The following WDPCP variants were observed in gnomAD, a reference collection of about 807,000 sequenced individuals.
WDPCP encodes WD repeat containing planar cell polarity effector, also known as WD repeat-containing and planar cell polarity effector protein fritz homolog.
A neutral mutation model predicts 93.1 loss-of-function variants in WDPCP; 71 were observed. That is an observed-to-expected ratio of 0.76 (90% CI 0.63 to 0.93). The LOEUF (loss-of-function observed/expected upper bound fraction) is 0.93, where lower values mean the gene tolerates loss of function less well. Among genes scored for constraint, WDPCP ranks in the 40% least tolerant of loss-of-function variants. The pLI is 0.00. For missense variants in WDPCP, 844 were observed against 887.4 expected (o/e 0.95, Z 0.62); for synonymous variants, 315 against 315.0 (o/e 1.00, Z 0.00).
chr2:63,306,223 A>G (rs925335346), intron 13 of WDPCP, among the ~76,000 whole-genome samples: 1 of 152,154 alleles, frequency 6.6e-6, no homozygotes, highest in Non-Finnish European at 1.5e-5. Context: ...ACCAATAACA[A>G]GTTCTGAAAT....
intron 3 of WDPCP, among the ~76,000 whole-genome samples, chr2:63,613,503 T>C (rs2106633714): frequency 6.6e-6 from 1 of 152,334 alleles, no homozygotes; most frequent in Non-Finnish European, 1.5e-5. Context: ...TTCCCAGCCA[T>C]TGCCTGCTCT....
chr2:63,771,979 G>T (rs1157699556), intron 2 of WDPCP, among the ~76,000 whole-genome samples: 1 of 151,746 alleles, frequency 6.6e-6, no homozygotes, highest in East Asian at 1.9e-4. Flanking sequence ...CCATATCTTT[G>T]CTATTGTGAA....
chr2:63,292,226 A>G (rs17409784), intron 13 of WDPCP, among the ~76,000 whole-genome samples: 1,807 of 152,040 alleles, frequency 0.012, 10 homozygotes, highest in Non-Finnish European at 0.019. Context: ...TGGCTCTTTT[A>G]GTCTCCATAA....
chr2:63,237,271 A>C (rs927190826), intron 14 of WDPCP, among the ~76,000 whole-genome samples: 4 of 152,214 alleles, frequency 2.6e-5, no homozygotes, highest in African/African-American at 9.6e-5. Context: ...AATCAAAACC[A>C]CAATGAGATA....
intron 14 of WDPCP, among the ~76,000 whole-genome samples, chr2:63,213,589 C>T (rs1677036216): frequency 6.6e-6 from 1 of 152,056 alleles, no homozygotes; most frequent in South Asian, 2.1e-4. Context: ...CAAACACATT[C>T]AAAAGCGAGC....
chr2:63,486,543 C>T lies in WDPCP; in HGVS notation c.252G>A (p.Glu84=), dbSNP rs201399904. Residue 84 remains glutamate, a splice_region_variant and synonymous_variant, in exon 4 of 18, where the codon GAG becomes GAA. Transcript: ENST00000272321. ...GNLEKKQKLA[E]SRDYPWTLKN... Reference sequence around the variant, plus strand: ...CCAAAAAATATAAAGTAAGCTTACACTCTGCCAGCTTCTGCTTCTTTTCTA... The same window carrying T: ...CCAAAAAATATAAAGTAAGCTTACATTCTGCCAGCTTCTGCTTCTTTTCTA... The T allele has an allele frequency of 1.0e-5, 16 of 1,571,860 alleles. No individual in the cohort carries two copies. The East Asian group carries it at 3.5e-4, about 35-fold the overall frequency.
chr2:63,641,479 C>G (rs113541528), intron 3 of WDPCP, among the ~76,000 whole-genome samples: 5 of 152,244 alleles, frequency 3.3e-5, no homozygotes, highest in African/African-American at 1.2e-4. Flanking sequence ...TGGATATAAA[C>G]CATTTTAACT....
chr2:63,509,371 T>G (rs570192336), intron 1 of WDPCP, among the ~76,000 whole-genome samples: 1 of 152,312 alleles, frequency 6.6e-6, no homozygotes, highest in East Asian at 1.9e-4. Flanking sequence ...AATAAATAAG[T>G]TCTTTGAAAC....
intron 15 of WDPCP, among the ~76,000 whole-genome samples, chr2:63,156,692 C>T (rs1372814387): frequency 3.3e-5 from 5 of 152,020 alleles, no homozygotes; most frequent in Admixed American, 2.6e-4. Context: ...GAGCCGAGGT[C>T]GTGCCATTGC....
At chr2:63,292,333 T>A (rs1362497739) in intron 13 of WDPCP, among the ~76,000 whole-genome samples, 1 of 150,714 alleles carries the variant, frequency 6.6e-6, no homozygotes, top group East Asian at 2.0e-4. Context: ...TTATCATCAT[T>A]TAATGCAGCT....
At chr2:63,764,967 T>C (rs1446853958) in intron 2 of WDPCP, among the ~76,000 whole-genome samples, 1 of 151,964 alleles carries the variant, frequency 6.6e-6, no homozygotes, top group Non-Finnish European at 1.5e-5. Context: ...TAAGAGGGAG[T>C]CCTAAACTAG....
intron 11 of WDPCP, among the ~76,000 whole-genome samples, chr2:63,380,716 G>A (rs1222587530): frequency 6.6e-6 from 1 of 151,978 alleles, no homozygotes. Flanking sequence ...GAGTGAGACT[G>A]TCTCTAAATA....
rs576482263 is a variant in WDPCP, at chr2:63,213,530, T to G, written c.1916-38698A>C. ...CCCACAAGAGAAAGCAGGAAAGATC[T>G]AAAATTGACACCCTAACATCACAAT... On this transcript the variant is annotated intron_variant, in intron 14 of 17. Transcript: ENST00000272321. Among the ~76,000 whole-genome samples the G allele has an allele frequency of 2.6e-5, 4 of 152,224 alleles. No homozygotes were observed. The South Asian group carries it at 8.3e-4, about 32-fold the overall frequency.
intron 6 of WDPCP, among the ~76,000 whole-genome samples, chr2:63,471,882 AT>A (rs1699711971): frequency 6.6e-6 from 1 of 152,056 alleles, no homozygotes; most frequent in Non-Finnish European, 1.5e-5. Flanking sequence ...TGGCAGGTAA[AT>A]TTTTTTGAGA....
chr2:63,699,637 A>C (rs985020694), intron 2 of WDPCP, among the ~76,000 whole-genome samples: 1 of 152,200 alleles, frequency 6.6e-6, no homozygotes, highest in Non-Finnish European at 1.5e-5. Context: ...TCTAAAAAAA[A>C]GTTTGGAGCT....
At chr2:63,197,859 G>A in intron 14 of WDPCP, among the ~76,000 whole-genome samples, 1 of 152,084 alleles carries the variant, frequency 6.6e-6, no homozygotes, top group East Asian at 1.9e-4. Flanking sequence ...ATTAGATTGG[G>A]CCCACCTGGA....
intron 3 of WDPCP, among the ~76,000 whole-genome samples, chr2:63,611,653 C>T (rs561214908): frequency 1.3e-5 from 2 of 152,278 alleles, no homozygotes; most frequent in African/African-American, 2.4e-5. Context: ...TTTAAACAAA[C>T]CTCAAAACAA....
At chr2:63,821,175 C>G (rs1671012412) in intron 1 of WDPCP, among the ~76,000 whole-genome samples, 1 of 152,054 alleles carries the variant, frequency 6.6e-6, no homozygotes, top group Non-Finnish European at 1.5e-5. Flanking sequence ...GTTTCCATGT[C>G]TCTCTCACCC....
intron 7 of WDPCP, chr2:63,438,093 T>A (rs1575421502): frequency 2.0e-6 from 2 of 1,009,512 alleles, no homozygotes; most frequent in South Asian, 1.0e-4. Context: ...TAAATTAATA[T>A]CTAATAATGA....
Sources: allele counts gnomAD v4.1 joint callset (sites outside exome capture counted in the v4.1 genomes callset), GRCh38; gene constraint gnomAD v4.1.1; transcripts MANE v1.5; gene names NCBI Gene and HGNC (gene_info 2026-07-23, HGNC 2026-07-21).